SLCO2B1: variants seen among roughly 807,000 people sequenced by gnomAD.
SLCO2B1 encodes the protein solute carrier organic anion transporter family member 2B1.
A neutral mutation model predicts 67.3 loss-of-function variants in SLCO2B1; 41 were observed. The observed-to-expected ratio is 0.61, with a 90% CI of 0.47 to 0.79. The LOEUF is 0.79. SLCO2B1 is among the 30% of genes least tolerant of loss of function. The pLI is 0.00. For missense variants in SLCO2B1, 837 were observed against 920.1 expected, an observed-to-expected ratio of 0.91 and a Z score of 1.17; for synonymous variants, 379 against 381.4, an observed-to-expected ratio of 0.99 and a Z score of 0.07.
At chr11:75,200,086 G>T in intron 10 of SLCO2B1, 138 bp from the exon 11 acceptor site, 1 of 840,134 alleles carries the variant, frequency 1.2e-6, no homozygotes, top group Non-Finnish European at 1.8e-6. Context: ...AACGGGTCAC[G>T]ATCTCGGACT....
intron 10 of SLCO2B1, among the ~76,000 whole-genome samples, chr11:75,197,414 CA>C (rs1387833794): frequency 2.0e-5 from 3 of 152,218 alleles, no homozygotes; most frequent in African/African-American, 7.2e-5. Flanking sequence ...GCTTTCCAGG[CA>C]GGGGGAAATG....
At chr11:75,199,303 C>T (rs535368044) in intron 10 of SLCO2B1, among the ~76,000 whole-genome samples, 7 of 152,208 alleles carry the variant, frequency 4.6e-5, no homozygotes, top group South Asian at 2.1e-4. Flanking sequence ...TAAGTGCTCA[C>T]GTGCTCACTC....
intron 6 of SLCO2B1, 170 bp downstream of exon 6, chr11:75,169,934 C>G: frequency 1.7e-6 from 1 of 602,202 alleles, no homozygotes; most frequent in Non-Finnish European, 3.0e-6. Flanking sequence ...TAATCTCTGT[C>G]CTGTCTGTCT....
In SLCO2B1 at chr11:75,162,790, C is replaced by A; in HGVS notation, c.147+5C>A. 1 of 1,611,966 alleles carries A rather than the reference C, an allele frequency of 6.2e-7. No individual in the cohort carries two copies. The highest frequency in any genetic ancestry group is 1.1e-5 in the South Asian group (1 of 90,672). On this transcript the variant is annotated splice_donor_5th_base_variant and intron_variant, in intron 2 of 13. Coordinates refer to ENST00000289575, the MANE Select transcript of SLCO2B1 (RefSeq NM_007256.5). ...AGTGTGTTCCATAACATCAAGGTAC[C>A]TCTCAGGGCCTGGCAGGGGCCTCCG...
chr11:75,176,339 C>G (rs908809402), intron 7 of SLCO2B1, among the ~76,000 whole-genome samples: 1 of 152,206 alleles, frequency 6.6e-6, no homozygotes, highest in African/African-American at 2.4e-5. Flanking sequence ...TCCTGGCAGG[C>G]AAGCCTGTGC....
chr11:75,200,535 T>C lies in SLCO2B1; in HGVS notation c.1763+148T>C, dbSNP rs536983728. 43 of 703,924 alleles carry C rather than the reference T, an allele frequency of 6.1e-5. No homozygotes were observed. In the East Asian group the frequency reaches 1.3e-3, roughly 22 times the overall value. 43.6% of individuals were successfully genotyped at this position (703,924 alleles called of 1,614,324 possible). A position where few individuals can be genotyped will look rare whatever the true frequency, so the allele number is the denominator to read the frequency against. On this transcript the variant is annotated intron_variant, in intron 11 of 13. Coordinates refer to ENST00000289575, the MANE Select transcript of SLCO2B1 (RefSeq NM_007256.5). ...TATGGCCTTAACTGTGTTCATCCCA[T>C]GGCAACCTACTGAGGCAAGGTTTTC...
chr11:75,169,420 C>A lies in SLCO2B1; in HGVS notation c.682+14C>A. 11 of 1,567,068 alleles carry A rather than the reference C, an allele frequency of 7.0e-6. No individual in the cohort carries two copies. The highest frequency in any genetic ancestry group is 7.8e-6 in the Non-Finnish European group (9 of 1,152,626). ...CCCTCTACCTCGGTGAGGACCAGTG[C>A]CATCCCTTGGCCTCTGAGGGTCAGG... is the stretch of plus-strand genomic sequence containing the variant. On this transcript the variant is annotated intron_variant, in intron 5 of 13. Transcript: ENST00000289575.
At chr11:75,181,230 C>T (rs1950087919) in intron 7 of SLCO2B1, among the ~76,000 whole-genome samples, 1 of 151,882 alleles carries the variant, frequency 6.6e-6, no homozygotes, top group Non-Finnish European at 1.5e-5. Flanking sequence ...ATTAGCCAGG[C>T]ATGGTGGTGG....
At chr11:75,170,239 T>C (rs1263183636) in intron 6 of SLCO2B1, among the ~76,000 whole-genome samples, 1 of 152,170 alleles carries the variant, frequency 6.6e-6, no homozygotes, top group East Asian at 1.9e-4. Flanking sequence ...ACTCAAAGTA[T>C]TACCCTGGGC....
intron 5 of SLCO2B1, 44 bp downstream of exon 5, chr11:75,169,450 G>A: frequency 1.3e-6 from 2 of 1,507,370 alleles, no homozygotes; most frequent in Non-Finnish European, 1.8e-6. Flanking sequence ...GTCAGGCCAG[G>A]CTCAACTAGG....
intron 1 of SLCO2B1, among the ~76,000 whole-genome samples, chr11:75,156,416 A>AG (rs1949746535): frequency 6.6e-6 from 1 of 152,008 alleles, no homozygotes. Flanking sequence ...GGAGCTTGGC[A>AG]GGGGGATCTG....
intron 11 of SLCO2B1, chr11:75,201,478 CT>C (rs1015594422): frequency 3.9e-5 from 6 of 152,246 alleles, no homozygotes; most frequent in Admixed American, 1.3e-4. Context: ...CACAATCTAC[CT>C]GGAGACAGCA....
chr11:75,187,987 A>G, intron 7 of SLCO2B1, 149 bp from the exon 8 acceptor site: 1 of 555,422 alleles, frequency 1.8e-6, no homozygotes, highest in Non-Finnish European at 3.2e-6. Context: ...CCAAGAACAA[A>G]TGGAACACTG....
rs1945278149 is a variant in SLCO2B1, at chr11:75,206,456, G to A, written c.*1876G>A. 3 of 152,078 alleles carry A rather than the reference G, an allele frequency of 2.0e-5. No individual in the cohort carries two copies. The South Asian group carries it at 6.2e-4, about 32-fold the overall frequency. 9.4% of individuals were successfully genotyped at this position (152,078 alleles called of 1,614,324 possible). Reference sequence around the variant, plus strand: ...TCGTCTACTAATGGTTTCAAAAATGGAATAAGGTCATGAGGATTTCTGAAT... The same window carrying A: ...TCGTCTACTAATGGTTTCAAAAATGAAATAAGGTCATGAGGATTTCTGAAT... On this transcript the variant is annotated 3_prime_UTR_variant, in exon 14 of 14. Transcript: ENST00000289575.
chr11:75,194,801 C>T (rs1331239754), intron 9 of SLCO2B1, among the ~76,000 whole-genome samples: 2 of 152,106 alleles, frequency 1.3e-5, no homozygotes, highest in Non-Finnish European at 2.9e-5. Flanking sequence ...GCTCATCTCA[C>T]ACACCCCATC....
chr11:75,193,205 C>T lies in SLCO2B1; in HGVS notation c.1076-13C>T. On this transcript the variant is annotated splice_polypyrimidine_tract_variant and intron_variant, in intron 8 of 13. Coordinates refer to ENST00000289575, the MANE Select transcript of SLCO2B1 (RefSeq NM_007256.5). This position sits in a 1 kb window ranked among gnomAD's most constrained non-coding sequence, Gnocchi z 4.2. ...TGCCCTGCCTGCCCTGACCTCTGCA[C>T]TCGCCCCCACAGTCTTCCCCAGGGT... is the stretch of plus-strand genomic sequence containing the variant. 1 of 1,592,564 alleles carries T rather than the reference C, an allele frequency of 6.3e-7. No homozygotes were observed. Among genetic ancestry groups the T allele is most frequent in the African/African-American group, 1.3e-5 (1 of 74,856 alleles).
At chr11:75,197,415 A>AG (rs1360931663) in intron 10 of SLCO2B1, among the ~76,000 whole-genome samples, 1 of 152,242 alleles carries the variant, frequency 6.6e-6, no homozygotes, top group Non-Finnish European at 1.5e-5. Flanking sequence ...CTTTCCAGGC[A>AG]GGGGGAAATG....
Position 75,172,432 on chromosome 11 carries a change from G to C in SLCO2B1, c.835G>C (p.Gly279Arg). 6.2e-7 allele frequency: 1 copy of C among 1,614,200 alleles called. No individual in the cohort carries two copies. Among genetic ancestry groups the C allele is most frequent in the Non-Finnish European group, 8.5e-7 (1 of 1,180,010 alleles). ...CCGATGGGTGGGTGCCTGGTGGCTGGGTTTCCTCATCGCTGCCGGTGCAGT... is the reference window on the plus strand; with the variant it reads ...CCGATGGGTGGGTGCCTGGTGGCTGCGTTTCCTCATCGCTGCCGGTGCAGT... ...DPRWVGAWWL[G>R]FLIAAGAVAL... The change falls in exon 7 of 14, where the codon GGT becomes CGT. Residue 279 changes from glycine (G) to arginine (R), a missense_variant. Coordinates refer to ENST00000289575, the MANE Select transcript of SLCO2B1 (RefSeq NM_007256.5).
chr11:75,164,245 C>G (rs575049427), intron 3 of SLCO2B1, 145 bp downstream of exon 3: 10 of 894,854 alleles, frequency 1.1e-5, no homozygotes, highest in East Asian at 1.1e-4. Flanking sequence ...CTGCCTGAAA[C>G]CTCAGAGCGT....
Sources: allele counts gnomAD v4.1 joint callset (sites outside exome capture counted in the v4.1 genomes callset), GRCh38; gene constraint gnomAD v4.1.1; non-coding constraint Gnocchi (gnomAD v3.1); transcripts MANE v1.5; gene names NCBI Gene and HGNC (gene_info 2026-07-23, HGNC 2026-07-21).